CEP192: variants seen among roughly 807,000 people sequenced by gnomAD.
The protein encoded by CEP192 is centrosomal protein of 192 kDa.
In CEP192, 151 loss-of-function variants were observed where a neutral mutation model predicts 271.8. The ratio of observed to expected loss-of-function variants is 0.56; its 90% CI spans 0.49 to 0.64. The LOEUF is 0.64. Ranked by LOEUF, CEP192 falls within the 30% of genes least tolerant of loss-of-function variation. The probability of loss-of-function intolerance (pLI) is 0.00; values close to 1 mark genes in which losing one functional copy is unlikely to be tolerated. For synonymous variants in CEP192, 995 were observed against 1,076.5 expected, an observed-to-expected ratio of 0.92 and a Z score of 1.48; for missense variants, 2,910 against 3,020.5, an observed-to-expected ratio of 0.96 and a Z score of 0.86.
chr18:13,077,450 T>G (rs1286063484), intron 30 of CEP192, among the ~76,000 whole-genome samples: 1 of 152,228 alleles, frequency 6.6e-6, no homozygotes, highest in Non-Finnish European at 1.5e-5. Flanking sequence ...TAAGGGATAC[T>G]CAACATGTAA....
At chr18:13,029,539 CTCT>C (rs2035495940) in intron 9 of CEP192, 121 bp from the exon 10 acceptor site, 1 of 645,270 alleles carries the variant, frequency 1.5e-6, no homozygotes, top group Non-Finnish European at 2.6e-6. Flanking sequence ...ACTGTGTGTT[CTCT>C]TCTTTCATAT....
chr18:13,027,650 C>G (rs970938479), intron 9 of CEP192, among the ~76,000 whole-genome samples: 2 of 152,098 alleles, frequency 1.3e-5, no homozygotes, highest in East Asian at 3.9e-4. Flanking sequence ...CATCTTTTTA[C>G]TTGTTGTCGG....
intron 1 of CEP192, among the ~76,000 whole-genome samples, chr18:12,993,982 G>A (rs2145729640): frequency 6.6e-6 from 1 of 152,286 alleles, no homozygotes; most frequent in African/African-American, 2.4e-5. Flanking sequence ...TCCCCAAGAA[G>A]CTGCTCTTCT....
At chr18:13,057,855 A>G (rs376927545) in intron 20 of CEP192, 122 bp downstream of exon 20, 14 of 838,360 alleles carry the variant, frequency 1.7e-5, no homozygotes, top group Admixed American at 1.1e-4. Context: ...AGTCATTGCC[A>G]TGGTATCTTT....
At chr18:13,059,439 C>G (rs972070033) in intron 21 of CEP192, 127 bp downstream of exon 21, 7 of 673,560 alleles carry the variant, frequency 1.0e-5, no homozygotes, top group Non-Finnish European at 1.5e-5. Context: ...TCAAGCTGAA[C>G]TTTGGTTCTT....
intron 2 of CEP192, among the ~76,000 whole-genome samples, chr18:13,000,091 C>CTTTTTTTTTTTTTTTTTT (rs775544715): frequency 1.3e-5 from 1 of 76,754 alleles, no homozygotes; most frequent in Non-Finnish European, 2.7e-5. Flanking sequence ...TGTCTTCTCT[C>CTTTTTTTTTTTTTTTTTT]TTTTTTTTTT....
chr18:13,044,414 G>A (rs2036369614), intron 15 of CEP192, among the ~76,000 whole-genome samples: 3 of 148,934 alleles, frequency 2.0e-5, no homozygotes, highest in Admixed American at 2.0e-4. Context: ...GATGCATGGT[G>A]TAAGGTTTTT....
chr18:13,065,557 T>C (rs1294142868), intron 21 of CEP192, among the ~76,000 whole-genome samples: 1 of 152,232 alleles, frequency 6.6e-6, no homozygotes, highest in Non-Finnish European at 1.5e-5. Flanking sequence ...CCATAAGTTA[T>C]GCTCATGTGT....
At position 13,057,737 on chromosome 18, in the gene CEP192, G is replaced by C; in HGVS notation, c.4257+4G>C. 6.2e-7 allele frequency: 1 copy of C among 1,612,152 alleles called. No individual in the cohort carries two copies. Among genetic ancestry groups the C allele is most frequent in the Non-Finnish European group, 8.5e-7 (1 of 1,178,954 alleles). On this transcript the variant is annotated splice_donor_region_variant and intron_variant, in intron 20 of 44. Coordinates refer to ENST00000506447, the MANE Select transcript of CEP192 (RefSeq NM_032142.4). Reference sequence around the variant, plus strand: ...CATTAGTGTTAATGGTGAAAAGGTAGCTTTCTATGTCTTTCTCATTTAACC... The same window carrying C: ...CATTAGTGTTAATGGTGAAAAGGTACCTTTCTATGTCTTTCTCATTTAACC...
Position 13,095,249 on chromosome 18 carries a change from G to A in CEP192, c.6255-254G>A, listed in dbSNP as rs140259301. Among the ~76,000 whole-genome samples, 19 of 152,072 alleles carry A rather than the reference G, an allele frequency of 1.2e-4. No individual in the cohort carries two copies. In the East Asian group the frequency reaches 2.9e-3, roughly 23 times the overall value. ...ACTCCTAGCCTTAAGCAATCCTCCC[G>A]CCTCGGCCTCCCAAAGTGCTGGGAT... On this transcript the variant is annotated intron_variant, in intron 34 of 44. Transcript: ENST00000506447.
chr18:13,009,263 C>T (rs1001582450), intron 4 of CEP192, among the ~76,000 whole-genome samples: 1 of 152,192 alleles, frequency 6.6e-6, no homozygotes, highest in Admixed American at 6.5e-5. Flanking sequence ...AAGGTCTCCT[C>T]TTAACCTTGT....
chr18:12,999,200 A>T (rs2033451718), intron 1 of CEP192, among the ~76,000 whole-genome samples: 2 of 152,226 alleles, frequency 1.3e-5, no homozygotes, highest in Non-Finnish European at 2.9e-5. Context: ...GTTAATTATA[A>T]GAAGGTAAGT....
intron 42 of CEP192, among the ~76,000 whole-genome samples, chr18:13,116,092 G>A (rs1050688311): frequency 4.6e-5 from 7 of 152,178 alleles, no homozygotes; most frequent in African/African-American, 1.2e-4. Flanking sequence ...GGGGCCAAGC[G>A]AAATGAACTG....
At chr18:13,061,222 C>CT (rs2037391389) in intron 21 of CEP192, among the ~76,000 whole-genome samples, 1 of 152,178 alleles carries the variant, frequency 6.6e-6, no homozygotes, top group Admixed American at 6.5e-5. Context: ...ACTCAGGTGG[C>CT]TGATGCAGGA....
chr18:13,083,389 C>T (rs57697412), intron 30 of CEP192, among the ~76,000 whole-genome samples: 6,643 of 152,286 alleles, frequency 0.044, 219 homozygotes, highest in East Asian at 0.14. Context: ...GATATCCTTT[C>T]GCCCACTTGA....
At chr18:13,059,771 C>G (rs1308741561) in intron 21 of CEP192, among the ~76,000 whole-genome samples, 1 of 152,142 alleles carries the variant, frequency 6.6e-6, no homozygotes, top group Non-Finnish European at 1.5e-5. Context: ...GACTCTCAAC[C>G]ATGGCTGCAC....
intron 1 of CEP192, among the ~76,000 whole-genome samples, chr18:12,995,355 C>T (rs1410097375): frequency 2.6e-5 from 4 of 152,130 alleles, no homozygotes; most frequent in African/African-American, 4.8e-5. Flanking sequence ...TGAGCCACCA[C>T]GCCCGGCCTC....
chr18:13,003,706 C>G (rs2033803430), intron 3 of CEP192, among the ~76,000 whole-genome samples: 1 of 152,066 alleles, frequency 6.6e-6, no homozygotes, highest in Non-Finnish European at 1.5e-5. Context: ...AAGTCCCACC[C>G]TGAGAATCAC....
At chr18:13,087,455 G>C in intron 31 of CEP192, 76 bp from the exon 32 acceptor site, 1 of 966,218 alleles carries the variant, frequency 1.0e-6, no homozygotes, top group African/African-American at 1.7e-5. Context: ...TTTTAGGCTC[G>C]TAAGATTGTT....
Sources: allele counts gnomAD v4.1 joint callset (sites outside exome capture counted in the v4.1 genomes callset), GRCh38; gene constraint gnomAD v4.1.1; transcripts MANE v1.5; gene names NCBI Gene and HGNC (gene_info 2026-07-23, HGNC 2026-07-21).